SNX5: variants seen among roughly 807,000 people sequenced by gnomAD.
The protein encoded by SNX5 is sorting nexin 5, also known as sorting nexin-5.
SNX5 carries 31 observed loss-of-function variants against 53.9 expected under a neutral mutation model. The observed-to-expected ratio is 0.58, with a 90% CI of 0.43 to 0.78. SNX5 has a LOEUF of 0.78. SNX5 is among the 30% of genes least tolerant of loss of function. SNX5 has a pLI of 0.00. For synonymous variants in SNX5, 168 were observed against 171.1 expected, an observed-to-expected ratio of 0.98 and a Z score of 0.14; for missense variants, 471 against 478.8, an observed-to-expected ratio of 0.98 and a Z score of 0.15.
intron 11 of SNX5, 85 bp downstream of exon 11, chr20:17,947,401 G>C: frequency 7.0e-7 from 1 of 1,429,744 alleles, no homozygotes; most frequent in African/African-American, 1.4e-5. Context: ...GGATACATGG[G>C]TGTTTTTTGC....
chr20:17,953,868 G>C, intron 4 of SNX5, 128 bp downstream of exon 4: 1 of 736,980 alleles, frequency 1.4e-6, no homozygotes, highest in Non-Finnish European at 2.3e-6. Context: ...TTTAGAAAAC[G>C]ACGCTAGGGA....
In SNX5 at chr20:17,968,617, C is replaced by A; in HGVS notation, c.-192G>T. On this transcript the variant is annotated 5_prime_UTR_variant, in exon 1 of 13. Coordinates refer to ENST00000377759, the MANE Select transcript of SNX5 (RefSeq NM_014426.4). ...CTGCCCCGGGAGCAGGCGAGCAGGG[C>A]GCCACGTGCTCCCCCAGAGCAGCCT... 1 of 628,412 alleles carries A rather than the reference C, an allele frequency of 1.6e-6. No homozygotes were observed. Among genetic ancestry groups the A allele is most frequent in the Non-Finnish European group, 2.8e-6 (1 of 351,298 alleles). The allele number at this position is 628,412 out of a possible 1,614,324, so 38.9% of individuals were successfully genotyped here.
At chr20:17,951,284 G>C in intron 6 of SNX5, 2 of 518,092 alleles carry the variant, frequency 3.9e-6, no homozygotes, top group Non-Finnish European at 3.5e-6. Context: ...GAAGCCAAGT[G>C]TGGAAAGGTT....
intron 11 of SNX5, chr20:17,943,472 GCAGCCTCACTCT>G (rs2039444897): frequency 2.6e-6 from 1 of 388,602 alleles, no homozygotes; most frequent in African/African-American, 2.1e-5. Flanking sequence ...ACGTTGATGA[GCAGCCTCACTCT>G]CACCCTCTAG....
Position 17,948,943 on chromosome 20 carries a change from A to G in SNX5, c.865T>C (p.Leu289=). ...TATCGGAGGAGCTCTGTTAGCTTCAAATCTTCATCTGATGAAACTCGACCC... is the reference window on the plus strand; with the variant it reads ...TATCGGAGGAGCTCTGTTAGCTTCAGATCTTCATCTGATGAAACTCGACCC... ...VEGRVSSDED[L]KLTELLRYYM... Residue 289 remains leucine (L), a synonymous_variant, in exon 10 of 13, where the codon TTG becomes CTG. Coordinates refer to ENST00000377759, the MANE Select transcript of SNX5 (RefSeq NM_014426.4). 1.2e-6 allele frequency: 2 copies of G among 1,612,490 alleles called. No individual in the cohort carries two copies. The highest frequency in any genetic ancestry group is 2.2e-5 in the East Asian group (1 of 44,874).
chr20:17,942,488 G>T, intron 12 of SNX5, 81 bp from the exon 13 acceptor site: 2 of 1,043,954 alleles, frequency 1.9e-6, no homozygotes, highest in South Asian at 1.3e-5. Flanking sequence ...ACACCAACAC[G>T]GCTTTTCACG....
chr20:17,968,315 C>T, intron 1 of SNX5, 60 bp downstream of exon 1: 4 of 1,219,880 alleles, frequency 3.3e-6, no homozygotes, highest in Non-Finnish European at 2.1e-6. Context: ...GGAAAGAATG[C>T]AGCGACCCCG....
chr20:17,950,517 A>G, intron 6 of SNX5, 121 bp from the exon 7 acceptor site: 1 of 626,924 alleles, frequency 1.6e-6, no homozygotes, highest in Non-Finnish European at 2.8e-6. Context: ...AGTAAAGTTT[A>G]ACCTCTACAG....
chr20:17,967,908 T>G (rs1381412267), intron 1 of SNX5: 2 of 396,388 alleles, frequency 5.0e-6, no homozygotes, highest in African/African-American at 4.2e-5. Context: ...GGACGCTTGA[T>G]GCAATTTCCC....
chr20:17,967,282 T>C (rs2035557788), intron 1 of SNX5, among the ~76,000 whole-genome samples: 1 of 152,036 alleles, frequency 6.6e-6, no homozygotes, highest in Admixed American at 6.5e-5. Context: ...AGTACCTTTA[T>C]AATGTTTTAC....
At chr20:17,945,584 T>C (rs1036149508) in intron 11 of SNX5, 1 of 152,078 alleles carries the variant, frequency 6.6e-6, no homozygotes, top group Non-Finnish European at 1.5e-5. Context: ...CTCAGTAGTT[T>C]TGAAGTGTGT....
intron 1 of SNX5, among the ~76,000 whole-genome samples, chr20:17,966,257 C>CTGG (rs1369188323): frequency 6.6e-6 from 1 of 151,962 alleles, no homozygotes; most frequent in African/African-American, 2.4e-5. Flanking sequence ...TGGCGGTGAG[C>CTGG]GACTGTAATC....
Position 17,947,619 on chromosome 20 carries a change from G to A in SNX5, c.945C>T (p.Ala315=), listed in dbSNP as rs756212310. The A allele has an allele frequency of 1.4e-5, 23 of 1,613,568 alleles. No individual in the cohort carries two copies. Among genetic ancestry groups the A allele is most frequent in the Non-Finnish European group, 1.8e-5 (21 of 1,179,850 alleles). Residue 315 remains alanine, a synonymous_variant, in exon 11 of 13, where the codon GCC becomes GCT. Transcript: ENST00000377759. Reference sequence around the variant, plus strand: ...TGTTTGAGTTCTCATAGTCAATGAGGGCTTTGGTGCGTCTGTATAAGAGAT... The same window carrying A: ...TGTTTGAGTTCTCATAGTCAATGAGAGCTTTGGTGCGTCTGTATAAGAGAT... The part of the protein sequence containing the change: ...AKDLLYRRTK[A]LIDYENSNKA...
At chr20:17,951,934 T>C (rs2039575388) in intron 5 of SNX5, among the ~76,000 whole-genome samples, 1 of 152,150 alleles carries the variant, frequency 6.6e-6, no homozygotes, top group African/African-American at 2.4e-5. Context: ...ATAAAAGTCA[T>C]AATTCGCGGC....
chr20:17,953,056 A>G (rs1436267004), intron 4 of SNX5, among the ~76,000 whole-genome samples: 2 of 152,228 alleles, frequency 1.3e-5, no homozygotes, highest in African/African-American at 2.4e-5. Context: ...ATACAGCATG[A>G]GTCTAATGAA....
At chr20:17,950,984 A>C (rs1009093924) in intron 6 of SNX5, 11 of 157,158 alleles carry the variant, frequency 7.0e-5, no homozygotes, top group Admixed American at 6.8e-4. Context: ...GTTACAAAGG[A>C]ATGAGAAGGC....
intron 4 of SNX5, among the ~76,000 whole-genome samples, 153 bp from the exon 5 acceptor site, chr20:17,952,863 G>C (rs780775147): frequency 3.9e-5 from 6 of 152,248 alleles, no homozygotes; most frequent in Admixed American, 1.3e-4. Flanking sequence ...TGTCTAGTTA[G>C]ATACTAAGGC....
At chr20:17,952,498 A>G (rs2039584506) in intron 5 of SNX5, 89 bp downstream of exon 5, 1 of 1,305,966 alleles carries the variant, frequency 7.7e-7, no homozygotes, top group Non-Finnish European at 1.0e-6. Context: ...TAAGAAATTC[A>G]AAACTTTAAA....
Position 17,949,067 on chromosome 20 carries a change from T to G in SNX5, c.828A>C (p.Leu276=). ...AGACCAACACAGAAATCCTTACCCT[T>G]AGTTTTTCAAATAGCTCAGCAACCT... ...LLKVAELFEK[L]RKVEGRVSSD... Residue 276 remains leucine, a synonymous_variant, in exon 9 of 13, where the codon CTA becomes CTC. Transcript: ENST00000377759. 6.2e-7 allele frequency: 1 copy of G among 1,613,202 alleles called. No homozygotes were observed. The highest frequency in any genetic ancestry group is 8.5e-7 in the Non-Finnish European group (1 of 1,179,644).
Sources: gnomAD v4.1 joint callset for allele counts (sites outside exome capture counted in the v4.1 genomes callset) on GRCh38, gnomAD v4.1.1 for gene constraint, MANE v1.5 for transcripts, NCBI Gene and HGNC (gene_info 2026-07-23, HGNC 2026-07-21) for gene names.